The following PRDM16 variants were observed in gnomAD, a reference collection of about 807,000 sequenced individuals.
PRDM16 encodes PR/SET domain 16.
Under a neutral mutation model 110.6 loss-of-function variants are expected in PRDM16, and 23 were observed. The observed-to-expected ratio is 0.21, with a 90% CI of 0.15 to 0.29. The LOEUF (loss-of-function observed/expected upper bound fraction) is 0.29, where lower values mean the gene tolerates loss of function less well. Ranked by LOEUF, PRDM16 falls within the 10% of genes least tolerant of loss-of-function variation. The pLI is 1.00. For synonymous variants in PRDM16, 799 were observed against 781.8 expected (o/e 1.02, Z -0.37); for missense variants, 1,615 against 1,794.3 (o/e 0.90, Z 1.81).
chr1:3,142,717 G>T (rs891196194), intron 1 of PRDM16, among the ~76,000 whole-genome samples: 3 of 152,052 alleles, frequency 2.0e-5, no homozygotes, highest in African/African-American at 7.2e-5. Context: ...TAATTACCTG[G>T]ATGTGGACCG....
chr1:3,385,712 TCCGCACCGGCCAATGAGGCAG>T (rs1375482247), intron 4 of PRDM16, among the ~76,000 whole-genome samples: 1 of 152,000 alleles, frequency 6.6e-6, no homozygotes, highest in Non-Finnish European at 1.5e-5. Flanking sequence ...TTCCGAAGAG[TCCGCACCGGCCAATGAGGCAG>T]CCACTCGGGG....
intron 3 of PRDM16, among the ~76,000 whole-genome samples, chr1:3,272,919 C>T (rs528179522): frequency 2.0e-5 from 3 of 152,314 alleles, no homozygotes; most frequent in South Asian, 4.1e-4. Context: ...CTCTGAGGGC[C>T]GGACCACTCT....
intron 1 of PRDM16, among the ~76,000 whole-genome samples, chr1:3,173,700 G>A (rs984624569): frequency 2.6e-5 from 4 of 152,252 alleles, no homozygotes; most frequent in Admixed American, 6.5e-5. Flanking sequence ...CCTTGGCAGC[G>A]GATGTGCTTC....
chr1:3,127,456 C>T lies in PRDM16; in HGVS notation c.37+58160C>T, dbSNP rs144826277. 3.5e-3 allele frequency among the ~76,000 whole-genome samples: 533 copies of T among 152,332 alleles called. 4 individuals are homozygous for T. The highest frequency in any genetic ancestry group is 0.012 in the African/African-American group (512 of 41,578). On this transcript the variant is annotated intron_variant, in intron 1 of 16. Coordinates refer to ENST00000270722, the MANE Select transcript of PRDM16 (RefSeq NM_022114.4). ...AACGTATTTCATTTTATTGCTTGCA[C>T]GATCTGTGTGTCTGGAGAGAAAGCA... is the stretch of plus-strand genomic sequence containing the variant.
intron 3 of PRDM16, among the ~76,000 whole-genome samples, chr1:3,292,121 G>A (rs900891984): frequency 6.6e-6 from 1 of 152,264 alleles, no homozygotes; most frequent in African/African-American, 2.4e-5. Flanking sequence ...GCAGGATGCT[G>A]GCCTCTCAAG....
chr1:3,256,121 G>A (rs950810387), intron 3 of PRDM16, among the ~76,000 whole-genome samples: 1 of 152,222 alleles, frequency 6.6e-6, no homozygotes, highest in African/African-American at 2.4e-5. Context: ...CAGGAGGGAC[G>A]AGGAGAGGAG....
intron 6 of PRDM16, 136 bp from the exon 7 acceptor site, chr1:3,404,602 AC>A: frequency 9.4e-7 from 1 of 1,063,152 alleles, no homozygotes. Context: ...GCAGGGAGAC[AC>A]CAGCATGTGC....
At chr1:3,166,764 C>T (rs1643961673) in intron 1 of PRDM16, among the ~76,000 whole-genome samples, 2 of 152,172 alleles carry the variant, frequency 1.3e-5, no homozygotes, top group Non-Finnish European at 2.9e-5. Flanking sequence ...AGGACTCACT[C>T]GGGTGAGGTT....
At chr1:3,385,576 G>A (rs1258481026) in intron 4 of PRDM16, among the ~76,000 whole-genome samples, 1 of 152,228 alleles carries the variant, frequency 6.6e-6, no homozygotes, top group Non-Finnish European at 1.5e-5. Flanking sequence ...CAATGAAGCA[G>A]GCAGGACCGC....
chr1:3,117,883 G>A (rs1642995656), intron 1 of PRDM16, among the ~76,000 whole-genome samples: 1 of 152,192 alleles, frequency 6.6e-6, no homozygotes, highest in African/African-American at 2.4e-5. Context: ...GCTCCAGGTG[G>A]TGCCACAGAT....
intron 2 of PRDM16, among the ~76,000 whole-genome samples, chr1:3,212,199 C>T (rs1188558635): frequency 6.6e-6 from 1 of 152,194 alleles, no homozygotes; most frequent in Non-Finnish European, 1.5e-5. Context: ...CCAGTGCGCA[C>T]AAAGCCCAAA....
At chr1:3,181,090 TTA>T (rs1344670941) in intron 1 of PRDM16, among the ~76,000 whole-genome samples, 4 of 144,214 alleles carry the variant, frequency 2.8e-5, no homozygotes, top group African/African-American at 7.8e-5. Flanking sequence ...ACACACGGCC[TTA>T]CACACGCAGT....
chr1:3,396,209 C>CA, intron 4 of PRDM16: 1 of 506,736 alleles, frequency 2.0e-6, no homozygotes. Context: ...GCTGTGCCCC[C>CA]AGGACACCCC....
intron 1 of PRDM16, among the ~76,000 whole-genome samples, chr1:3,152,911 C>G (rs1217312270): frequency 6.6e-6 from 1 of 152,182 alleles, no homozygotes; most frequent in East Asian, 1.9e-4. Flanking sequence ...TCTACCAAGC[C>G]CAGACCAGAA....
intron 2 of PRDM16, among the ~76,000 whole-genome samples, chr1:3,242,814 A>T (rs1639705368): frequency 6.6e-6 from 1 of 151,880 alleles, no homozygotes. Flanking sequence ...CTTGAGCATC[A>T]TTTTCTCGTT....
At chr1:3,118,142 T>C (rs1039365802) in intron 1 of PRDM16, among the ~76,000 whole-genome samples, 43 of 151,852 alleles carry the variant, frequency 2.8e-4, no homozygotes, top group Middle Eastern at 3.4e-3. Context: ...TGTACATGCA[T>C]GTGTGTGCAT....
In PRDM16 at chr1:3,412,037, G is replaced by A. The variant is rs764738323; in HGVS notation, c.1840G>A (p.Asp614Asn). The A allele has an allele frequency of 2.2e-5, 35 of 1,612,774 alleles. No homozygotes were observed. The highest frequency in any genetic ancestry group is 6.7e-5 in the Admixed American group (4 of 59,960). Residue 614 changes from aspartate (D) to asparagine (N), a missense_variant, in exon 9 of 17, where the codon GAC becomes AAC. By Grantham distance (23) the Asp-to-Asn change is conservative. Coordinates refer to ENST00000270722, the MANE Select transcript of PRDM16 (RefSeq NM_022114.4). ...FEDVNTTTGT[D>N]LDTTTGTGSD... ...GGACGTCAACACCACCACGGGGACC[G>A]ACCTGGACACGACCACGGGGACGGG... is the stretch of plus-strand genomic sequence containing the variant.
chr1:3,379,027 A>G (rs1319701522), intron 3 of PRDM16, among the ~76,000 whole-genome samples: 1 of 151,578 alleles, frequency 6.6e-6, no homozygotes, highest in Non-Finnish European at 1.5e-5. Context: ...GTGATAGCAG[A>G]CACAGGCCTG....
chr1:3,096,106 G>T lies in PRDM16; in HGVS notation c.37+26810G>T, dbSNP rs530656643. ...GCCCTGGTGCCTGTCTATTTGGGGTGCAGGGTACGCACCCCATGCTTAGAA... is the reference window on the plus strand; with the variant it reads ...GCCCTGGTGCCTGTCTATTTGGGGTTCAGGGTACGCACCCCATGCTTAGAA... On this transcript the variant is annotated intron_variant, in intron 1 of 16. Coordinates refer to ENST00000270722, the MANE Select transcript of PRDM16 (RefSeq NM_022114.4). Among the ~76,000 whole-genome samples, 32 of 152,234 alleles carry T rather than the reference G, an allele frequency of 2.1e-4. No homozygotes were observed. The South Asian group carries it at 6.2e-3, about 30-fold the overall frequency.
Sources: allele counts gnomAD v4.1 joint callset (sites outside exome capture counted in the v4.1 genomes callset), GRCh38; gene constraint gnomAD v4.1.1; transcripts MANE v1.5; gene names NCBI Gene and HGNC (gene_info 2026-07-23, HGNC 2026-07-21).